ZNF431: variants seen among roughly 807,000 people sequenced by gnomAD.
ZNF431 encodes zinc finger protein 431.
Under a neutral mutation model 57.0 loss-of-function variants are expected in ZNF431, and 34 were observed. The ratio of observed to expected loss-of-function variants is 0.60; its 90% CI spans 0.45 to 0.79. The LOEUF (loss-of-function observed/expected upper bound fraction) is 0.79. Ranked by LOEUF, ZNF431 falls within the 30% of genes least tolerant of loss-of-function variation. ZNF431 has a pLI of 0.00. For synonymous variants in ZNF431, 207 were observed against 220.3 expected (o/e 0.94, Z 0.54); for missense variants, 607 against 667.1 (o/e 0.91, Z 0.99).
At chr19:21,154,606 C>G (rs931033677) in intron 2 of ZNF431, among the ~76,000 whole-genome samples, 4 of 152,132 alleles carry the variant, frequency 2.6e-5, no homozygotes, top group African/African-American at 9.7e-5. Flanking sequence ...CTGACTTCCA[C>G]AATGGTTGAA....
intron 2 of ZNF431, among the ~76,000 whole-genome samples, chr19:21,145,026 C>A (rs995903614): frequency 9.4e-5 from 2 of 21,220 alleles, no homozygotes; most frequent in African/African-American, 3.9e-4. Context: ...ACTTTTGCTT[C>A]TCTTATTTAG....
At chr19:21,167,247 G>A (rs972457950) in intron 3 of ZNF431, among the ~76,000 whole-genome samples, 8 of 150,920 alleles carry the variant, frequency 5.3e-5, no homozygotes, top group African/African-American at 2.0e-4. Context: ...TGCCACCTCC[G>A]CCTCCCGGGT....
In ZNF431 at chr19:21,142,299, C is replaced by T. The variant is rs1401439747; in HGVS notation, c.3+113C>T. 43 of 1,451,748 alleles carry T rather than the reference C, an allele frequency of 3.0e-5. 1 individual carries two copies. In the Admixed American group the frequency reaches 6.4e-4, roughly 22 times the overall value. 89.9% of individuals were successfully genotyped at this position (1,451,748 alleles called of 1,614,324 possible). On this transcript the variant is annotated intron_variant, in intron 1 of 4. Coordinates refer to ENST00000311048, the MANE Select transcript of ZNF431 (RefSeq NM_133473.4). The stretch of plus-strand genomic sequence containing the variant: ...CGCAGTCAGCTCCACAGTCTGCGCC[C>T]CGAGTTCTCCTTGCCCAGCTCGGCC...
intron 1 of ZNF431, 59 bp downstream of exon 1, chr19:21,142,245 A>C: frequency 6.2e-7 from 1 of 1,611,600 alleles, no homozygotes; most frequent in Non-Finnish European, 8.5e-7. Context: ...AACCGGTGGG[A>C]AGTGGCTGTG....
chr19:21,168,268 G>T (rs531103293), intron 4 of ZNF431, among the ~76,000 whole-genome samples: 62 of 151,354 alleles, frequency 4.1e-4, no homozygotes, highest in Non-Finnish European at 7.7e-4. Context: ...ATTTTCTATT[G>T]TGAAAAAAAT....
Position 21,166,361 on chromosome 19 carries a change from C to G in ZNF431, c.123C>G (p.Ala41=). ...EKETLTFRDV[A]IEFSLEEWEC... is the part of the protein sequence containing the mutation. ...AGACATTGACATTTAGGGATGTGGC[C>G]ATAGAATTCTCTCTGGAGGAGTGGG... The change falls in exon 3 of 5, where the codon GCC becomes GCG. Residue 41 remains alanine (A), a synonymous_variant. Transcript: ENST00000311048. 1 of 1,613,188 alleles carries G rather than the reference C, an allele frequency of 6.2e-7. No individual in the cohort carries two copies. Among genetic ancestry groups the G allele is most frequent in the Non-Finnish European group, 8.5e-7 (1 of 1,179,758 alleles).
chr19:21,175,857 G>C (rs923005168), intron 4 of ZNF431, among the ~76,000 whole-genome samples: 3 of 152,124 alleles, frequency 2.0e-5, no homozygotes, highest in Non-Finnish European at 2.9e-5. Context: ...CCATGTCTTT[G>C]CTATTGTGAA....
At position 21,183,790 on chromosome 19, in the gene ZNF431, C is replaced by T. The variant is rs374913172; in HGVS notation, c.1487C>T (p.Ser496Phe). ...GAATGTGGCAAAGCTTTTAACCGAT[C>T]CTCAAATCTTACTAAACATAAGATA... ...CEECGKAFNR[S>F]SNLTKHKIIH... The change falls in exon 5 of 5, where the codon TCC becomes TTC. Residue 496 changes from serine (S) to phenylalanine (F), a missense_variant. Transcript: ENST00000311048. 7 of 1,613,776 alleles carry T rather than the reference C, an allele frequency of 4.3e-6. No individual in the cohort carries two copies. Among genetic ancestry groups the T allele is most frequent in the Non-Finnish European group, 8.5e-7 (1 of 1,179,910 alleles).
At chr19:21,162,601 G>T (rs1028565959) in intron 2 of ZNF431, 1 of 475,522 alleles carries the variant, frequency 2.1e-6, no homozygotes, top group African/African-American at 2.1e-5. Context: ...CACCACACCC[G>T]ACCAGATTCA....
chr19:21,183,345 G>C lies in ZNF431; in HGVS notation c.1042G>C (p.Glu348Gln). 6.2e-7 allele frequency: 1 copy of C among 1,613,772 alleles called. No individual in the cohort carries two copies. Among genetic ancestry groups the C allele is most frequent in the Non-Finnish European group, 8.5e-7 (1 of 1,179,856 alleles). ...HAGEKPYKCE[E>Q]CDKAFNRFSY... ...TGGAGAGAAACCCTACAAATGTGAG[G>C]AATGTGACAAAGCTTTTAATCGATT... The change falls in exon 5 of 5, where the codon GAA becomes CAA. Residue 348 changes from glutamate to glutamine, a missense_variant. By Grantham distance (29) the Glu-to-Gln change is conservative. Coordinates refer to ENST00000311048, the MANE Select transcript of ZNF431 (RefSeq NM_133473.4).
At chr19:21,160,589 C>T (rs1461487470) in intron 2 of ZNF431, among the ~76,000 whole-genome samples, 4 of 152,276 alleles carry the variant, frequency 2.6e-5, no homozygotes, top group African/African-American at 9.6e-5. Flanking sequence ...ATCAGTGGGC[C>T]CTCAGCCGTG....
At chr19:21,172,157 G>A (rs1259093645) in intron 4 of ZNF431, among the ~76,000 whole-genome samples, 4 of 150,914 alleles carry the variant, frequency 2.7e-5, no homozygotes, top group African/African-American at 9.8e-5. Flanking sequence ...GGCCAGTCAC[G>A]GTGGCTCATG....
In ZNF431 at chr19:21,183,912, C is replaced by T; in HGVS notation, c.1609C>T (p.Gln537Ter). ...TAAACATAGGAAAATTCATACTAGA[C>T]AGAAACCCTACAACTGTGAAGAATG... Reference protein sequence around the residue: ...LTKHRKIHTRQKPYNCEECDN... With the variant: ...LTKHRKIHTR The change falls in exon 5 of 5, where the codon CAG (glutamine) becomes TAG (stop). Residue 537 changes from glutamine (Q) to a stop codon, truncating the protein, a stop_gained. Coordinates refer to ENST00000311048, the MANE Select transcript of ZNF431 (RefSeq NM_133473.4). LOFTEE classifies it high-confidence loss of function. The T allele has an allele frequency of 1.2e-6, 2 of 1,613,646 alleles. No individual in the cohort carries two copies. Among genetic ancestry groups the T allele is most frequent in the Non-Finnish European group, 1.7e-6 (2 of 1,179,762 alleles).
At chr19:21,165,923 A>G (rs1457998121) in intron 2 of ZNF431, among the ~76,000 whole-genome samples, 3 of 152,184 alleles carry the variant, frequency 2.0e-5, no homozygotes, top group Non-Finnish European at 2.9e-5. Context: ...TGAAAAATAT[A>G]AAAAAATCTT....
intron 2 of ZNF431, among the ~76,000 whole-genome samples, chr19:21,165,786 A>G (rs925203600): frequency 4.6e-5 from 7 of 152,032 alleles, no homozygotes; most frequent in African/African-American, 1.7e-4. Flanking sequence ...AGCCAGAAAC[A>G]TTGGGAAAAA....
intron 4 of ZNF431, chr19:21,175,491 A>C (rs1971023823): frequency 1.4e-6 from 1 of 694,766 alleles, no homozygotes; most frequent in Admixed American, 2.0e-5. Context: ...TACATAAGTA[A>C]ATGTGTGCTG....
intron 4 of ZNF431, 103 bp from the exon 5 acceptor site, chr19:21,182,520 A>T: frequency 1.6e-6 from 2 of 1,274,172 alleles, no homozygotes; most frequent in Non-Finnish European, 2.1e-6. Flanking sequence ...GTATTTTATT[A>T]TGGCATCTTG....
At chr19:21,158,125 T>C (rs528344891) in intron 2 of ZNF431, among the ~76,000 whole-genome samples, 2 of 152,150 alleles carry the variant, frequency 1.3e-5, no homozygotes, top group Non-Finnish European at 2.9e-5. Flanking sequence ...TTTGGGCAGT[T>C]TGGCCATTTT....
chr19:21,143,774 G>A (rs1488013286), intron 2 of ZNF431, 131 bp downstream of exon 2: 4 of 557,108 alleles, frequency 7.2e-6, no homozygotes, highest in South Asian at 2.9e-5. Context: ...CCCCTGGATT[G>A]TCTTAGGGGG....
Sources: gnomAD v4.1 joint callset for allele counts (sites outside exome capture counted in the v4.1 genomes callset) on GRCh38, gnomAD v4.1.1 for gene constraint, MANE v1.5 for transcripts, NCBI Gene and HGNC (gene_info 2026-07-23, HGNC 2026-07-21) for gene names.